The following SEMA3C variants were observed in gnomAD, a reference collection of about 807,000 sequenced individuals.
SEMA3C encodes semaphorin 3C, also known as semaphorin-3C.
A neutral mutation model predicts 89.4 loss-of-function variants in SEMA3C; 47 were observed. The observed-to-expected ratio is 0.53, with a 90% CI of 0.42 to 0.67. The LOEUF (loss-of-function observed/expected upper bound fraction) is 0.67, where lower values mean the gene tolerates loss of function less well. Among genes scored for constraint, SEMA3C ranks in the 30% least tolerant of loss-of-function variants. The pLI, the probability that SEMA3C is intolerant of heterozygous loss-of-function variation, is 0.00. For synonymous variants in SEMA3C, 310 were observed against 320.2 expected (o/e 0.97, Z 0.34); for missense variants, 839 against 929.1 (o/e 0.90, Z 1.26).
intron 2 of SEMA3C, among the ~76,000 whole-genome samples, chr7:80,880,758 C>G (rs999318714): frequency 6.6e-6 from 1 of 152,078 alleles, no homozygotes; most frequent in Non-Finnish European, 1.5e-5. Context: ...AACCCCATCT[C>G]TACTAAAAAC....
upstream of SEMA3C, among the ~76,000 whole-genome samples, chr7:80,921,601 C>A (rs187990619): frequency 2.0e-5 from 3 of 152,146 alleles, no homozygotes; most frequent in Non-Finnish European, 4.4e-5. Flanking sequence ...ACGCTGTTTT[C>A]GGTAAGGGGG....
rs115941052 is a variant in SEMA3C, at chr7:80,867,067, C to G, written c.104-38322G>C. 7.1e-4 allele frequency among the ~76,000 whole-genome samples: 108 copies of G among 152,190 alleles called. 1 individual carries two copies. The highest frequency in any genetic ancestry group is 2.5e-3 in the African/African-American group (102 of 41,534). ...CCTATTGGGATAATCCCTATTTGGA[C>G]AGCATTTGTTTAAATATACAAAATA... is the stretch of plus-strand genomic sequence containing the variant. On this transcript the variant is annotated intron_variant, in intron 2 of 17. Transcript: ENST00000265361.
Position 80,888,585 on chromosome 7 carries a change from A to G in SEMA3C, c.103+28094T>C, listed in dbSNP as rs141263163. ...TCTAGGAGACATACATAAAATATCT[A>G]TCTACATTGTAATTAACAAAGGACA... On this transcript the variant is annotated intron_variant, in intron 2 of 17. Transcript: ENST00000265361. Among the ~76,000 whole-genome samples, 29 of 152,316 alleles carry G rather than the reference A, an allele frequency of 1.9e-4. No individual in the cohort carries two copies. In the East Asian group the frequency reaches 5.4e-3, roughly 28 times the overall value.
intron 12 of SEMA3C, among the ~76,000 whole-genome samples, chr7:80,785,757 C>T (rs751608857): frequency 2.6e-5 from 4 of 152,028 alleles, no homozygotes; most frequent in South Asian, 2.1e-4. Flanking sequence ...TACAGGCATG[C>T]GCCACCATGC....
intron 2 of SEMA3C, among the ~76,000 whole-genome samples, chr7:80,831,330 C>A (rs952300280): frequency 6.6e-6 from 1 of 152,078 alleles, no homozygotes; most frequent in African/African-American, 2.4e-5. Flanking sequence ...TAGCATCTAC[C>A]TCATTGGGTT....
intron 2 of SEMA3C, among the ~76,000 whole-genome samples, chr7:80,892,403 T>A (rs1267381526): frequency 2.0e-5 from 3 of 152,146 alleles, no homozygotes; most frequent in Non-Finnish European, 4.4e-5. Context: ...TCTGTGATAT[T>A]TTCGTCCTTT....
chr7:80,872,513 T>A (rs1791086097), intron 2 of SEMA3C, among the ~76,000 whole-genome samples: 1 of 152,034 alleles, frequency 6.6e-6, no homozygotes, highest in Non-Finnish European at 1.5e-5. Context: ...AGAAGATTGC[T>A]GAATTCTCGG....
In SEMA3C at chr7:80,905,598, G is replaced by A. The variant is rs113767481; in HGVS notation, c.103+11081C>T. ...AGTGTAAGTGCAATAAGCTCATCCC[G>A]GGCATTCCAGCTTAATTCCCCTCTC... On this transcript the variant is annotated intron_variant, in intron 2 of 17. Transcript: ENST00000265361. 7.1e-3 allele frequency among the ~76,000 whole-genome samples: 1,083 copies of A among 152,158 alleles called. 17 individuals carry two copies. Among genetic ancestry groups the A allele is most frequent in the African/African-American group, 0.024 (984 of 41,522 alleles).
chr7:80,900,658 T>C (rs1346935065), intron 2 of SEMA3C, among the ~76,000 whole-genome samples: 1 of 152,210 alleles, frequency 6.6e-6, no homozygotes. Flanking sequence ...TTGCCTCAGC[T>C]AGCAGAGGTT....
At chr7:80,862,308 G>C (rs1026025523) in intron 2 of SEMA3C, among the ~76,000 whole-genome samples, 1 of 152,068 alleles carries the variant, frequency 6.6e-6, no homozygotes, top group Non-Finnish European at 1.5e-5. Flanking sequence ...ACCATGCAGA[G>C]AATCAAACCA....
At chr7:80,904,179 T>C (rs1328002653) in intron 2 of SEMA3C, among the ~76,000 whole-genome samples, 1 of 152,138 alleles carries the variant, frequency 6.6e-6, no homozygotes, top group African/African-American at 2.4e-5. Context: ...TAGCTGGGAC[T>C]ACAGCCGTGC....
At chr7:80,919,108 C>T (rs3748102), upstream of SEMA3C, 64 of 984,958 alleles carry the variant, frequency 6.5e-5, no homozygotes, top group East Asian at 6.5e-3. Flanking sequence ...ATTACAGCGC[C>T]GCGGCGCGCG....
At chr7:80,891,201 T>C (rs1191589022) in intron 2 of SEMA3C, among the ~76,000 whole-genome samples, 2 of 152,198 alleles carry the variant, frequency 1.3e-5, no homozygotes, top group Non-Finnish European at 2.9e-5. Context: ...GTTAATTTAC[T>C]GATTGTCCAT....
At chr7:80,848,922 G>T (rs578216944) in intron 2 of SEMA3C, among the ~76,000 whole-genome samples, 1 of 152,010 alleles carries the variant, frequency 6.6e-6, no homozygotes, top group South Asian at 2.1e-4. Context: ...TTCTCACTTT[G>T]GATGCCCTCT....
At chr7:80,894,162 T>G (rs914960739) in intron 2 of SEMA3C, among the ~76,000 whole-genome samples, 2 of 152,170 alleles carry the variant, frequency 1.3e-5, no homozygotes, top group Non-Finnish European at 2.9e-5. Context: ...AATTCATCCA[T>G]GAATACTGTA....
chr7:80,823,844 C>T (rs1193085244), intron 4 of SEMA3C, among the ~76,000 whole-genome samples: 1 of 151,928 alleles, frequency 6.6e-6, no homozygotes, highest in Non-Finnish European at 1.5e-5. Context: ...TGTTTAAGCT[C>T]AATTTATTTA....
intron 2 of SEMA3C, among the ~76,000 whole-genome samples, chr7:80,875,626 C>T (rs931107048): frequency 1.3e-5 from 2 of 152,090 alleles, no homozygotes; most frequent in African/African-American, 4.8e-5. Flanking sequence ...CCAACTCCAT[C>T]ACACTAGGGA....
intron 2 of SEMA3C, among the ~76,000 whole-genome samples, chr7:80,903,515 A>T (rs1052960506): frequency 6.6e-6 from 1 of 152,110 alleles, no homozygotes; most frequent in African/African-American, 2.4e-5. Flanking sequence ...TACAAGCACT[A>T]GCCAGGCATG....
intron 2 of SEMA3C, among the ~76,000 whole-genome samples, chr7:80,847,087 A>G (rs1790407709): frequency 6.6e-6 from 1 of 152,190 alleles, no homozygotes; most frequent in Non-Finnish European, 1.5e-5. Flanking sequence ...GAAACTTCAG[A>G]ATAGTTTAGA....
Sources: gnomAD v4.1 joint callset for allele counts (sites outside exome capture counted in the v4.1 genomes callset) on GRCh38, gnomAD v4.1.1 for gene constraint, MANE v1.5 for transcripts, NCBI Gene and HGNC (gene_info 2026-07-23, HGNC 2026-07-21) for gene names.